Variants in ZNF532 observed in about 807,000 individuals in gnomAD.
ZNF532 encodes zinc finger protein 532.
Under a neutral mutation model 89.3 loss-of-function variants are expected in ZNF532, and 22 were observed. The ratio of observed to expected loss-of-function variants is 0.25; its 90% CI spans 0.18 to 0.35. The LOEUF is 0.35. ZNF532 is among the 10% of genes least tolerant of loss of function. ZNF532 has a pLI of 1.00. For synonymous variants in ZNF532, 606 were observed against 649.6 expected (o/e 0.93, Z 1.02); for missense variants, 1,132 against 1,643.4 (o/e 0.69, Z 5.38).
At chr18:58,913,646 G>A (rs77156849) in intron 2 of ZNF532, among the ~76,000 whole-genome samples, 92 of 151,798 alleles carry the variant, frequency 6.1e-4, no homozygotes, top group African/African-American at 1.8e-3. Context: ...AAAATTCAGC[G>A]GAATAAAAAA....
At chr18:58,961,295 C>T (rs577430621) in intron 7 of ZNF532, among the ~76,000 whole-genome samples, 2 of 152,316 alleles carry the variant, frequency 1.3e-5, no homozygotes, top group South Asian at 4.1e-4. Flanking sequence ...AGTGGCAGTA[C>T]AATCCCCCAA....
In ZNF532 at chr18:58,984,494, T is replaced by C. The variant is rs375961859; in HGVS notation, c.*28T>C. The C allele has an allele frequency of 4.0e-5, 63 of 1,590,224 alleles. No homozygotes were observed. The highest frequency in any genetic ancestry group is 6.8e-5 in the African/African-American group (5 of 73,790). On this transcript the variant is annotated 3_prime_UTR_variant, in exon 10 of 10. Coordinates refer to ENST00000591808, the MANE Select transcript of ZNF532 (RefSeq NM_001375912.1). Reference sequence around the variant, plus strand: ...ACAGATGCTCCATGAGGAAAATCCCTGTCCACATTGGAATAAAAAAGACAT... The same window carrying C: ...ACAGATGCTCCATGAGGAAAATCCCCGTCCACATTGGAATAAAAAAGACAT...
Position 58,888,811 on chromosome 18 carries a change from AAAATTATATATATAAATTATATATATAAT to A in ZNF532, c.-18+23233_-18+23261del, listed in dbSNP as rs1568247161. On this transcript the variant is annotated intron_variant, in intron 2 of 9. Coordinates refer to ENST00000591808, the MANE Select transcript of ZNF532 (RefSeq NM_001375912.1). ...AAATATATATAATTTATATATATAA[AAAATTATATATATAAATTATATATATAAT>A]TTATATATATATAATTTATATATAT... Among the ~76,000 whole-genome samples, 6 of 42,742 alleles carry A rather than the reference AAAATTATATATATAAATTATATATATAAT, an allele frequency of 1.4e-4. No individual in the cohort carries two copies. In the East Asian group the frequency reaches 5.9e-3, roughly 42 times the overall value. 28.0% of individuals were successfully genotyped at this position (42,742 alleles called of 152,430 possible).
chr18:58,873,925 T>A (rs2057210812), intron 2 of ZNF532, among the ~76,000 whole-genome samples: 1 of 152,208 alleles, frequency 6.6e-6, no homozygotes, highest in Admixed American at 6.5e-5. Context: ...TGCGGGACCT[T>A]GAACAGGTTA....
chr18:58,865,750 G>T (rs888990945), intron 2 of ZNF532, among the ~76,000 whole-genome samples, 171 bp downstream of exon 2: 7 of 152,196 alleles, frequency 4.6e-5, no homozygotes, highest in African/African-American at 1.7e-4. Flanking sequence ...TGATGGTATT[G>T]CGATCAAGGC....
At chr18:58,867,676 T>C (rs1457569128) in intron 2 of ZNF532, among the ~76,000 whole-genome samples, 2 of 152,218 alleles carry the variant, frequency 1.3e-5, no homozygotes, top group Non-Finnish European at 2.9e-5. Flanking sequence ...AAAGACGACC[T>C]GCGGTCCATC....
In ZNF532 at chr18:58,934,452, A is replaced by G; in HGVS notation, c.2366A>G (p.Gln789Arg). 1.2e-6 allele frequency: 2 copies of G among 1,613,944 alleles called. No homozygotes were observed. The highest frequency in any genetic ancestry group is 1.7e-6 in the Non-Finnish European group (2 of 1,179,832). Residue 789 changes from glutamine (Q) to arginine (R), a missense_variant, in exon 4 of 10, where the codon CAG (glutamine) becomes CGG (arginine). By Grantham distance (43) the Gln-to-Arg change is conservative (BLOSUM62 1). This residue lies in a region of ZNF532 where 100 missense variants were observed against 122.0 expected (regional missense o/e 0.82). Transcript: ENST00000591808. ...GTTTAGAAGACTTGCACTATCTGCC[A>G]GATGCTGCTTCCTAACCAGTGCAGT... Reference protein sequence around the residue: ...TSGQKTCTICQMLLPNQCSYA... With the variant: ...TSGQKTCTICRMLLPNQCSYA...
intron 2 of ZNF532, among the ~76,000 whole-genome samples, chr18:58,894,764 A>C (rs144418103): frequency 6.6e-6 from 1 of 152,020 alleles, no homozygotes; most frequent in African/African-American, 2.4e-5. Context: ...TACCCTGTCA[A>C]TTTTTCTAGA....
intron 6 of ZNF532, among the ~76,000 whole-genome samples, chr18:58,951,646 G>GTTTTTTTT (rs3039758): frequency 2.8e-5 from 2 of 72,590 alleles, no homozygotes; most frequent in Admixed American, 1.9e-4. Flanking sequence ...TCGCCCTGTT[G>GTTTTTTTT]TTTTTTTTTT....
At chr18:58,888,725 A>G (rs1329940074) in intron 2 of ZNF532, among the ~76,000 whole-genome samples, 2 of 29,936 alleles carry the variant, frequency 6.7e-5, no homozygotes, top group African/African-American at 2.3e-4. Context: ...ATATATATAT[A>G]AATTATATAT....
chr18:58,919,337 T>C lies in ZNF532; in HGVS notation c.1050T>C (p.Ser350=), dbSNP rs746956828. 5 of 1,614,030 alleles carry C rather than the reference T, an allele frequency of 3.1e-6. No homozygotes were observed. Among genetic ancestry groups the C allele is most frequent in the African/African-American group, 1.3e-5 (1 of 74,904 alleles). ...ACAGCAGCAAAGGATCCCCGTCCTCTCCCGCAGGGTCCACACCAGCAATCC... is the reference window on the plus strand; with the variant it reads ...ACAGCAGCAAAGGATCCCCGTCCTCCCCCGCAGGGTCCACACCAGCAATCC... ...SENSSKGSPS[S]PAGSTPAIPK... is the part of the protein sequence containing the mutation. Residue 350 remains serine, a synonymous_variant, in exon 3 of 10, where the codon TCT becomes TCC. Coordinates refer to ENST00000591808, the MANE Select transcript of ZNF532 (RefSeq NM_001375912.1). The surrounding 1 kb of genome is among the most constrained non-coding windows in gnomAD (Gnocchi z 6.1).
At chr18:58,951,038 C>G (rs1425130606) in intron 6 of ZNF532, among the ~76,000 whole-genome samples, 1 of 152,132 alleles carries the variant, frequency 6.6e-6, no homozygotes, top group Admixed American at 6.5e-5. Flanking sequence ...TCAAGGCAGC[C>G]TCCATGTCCT....
At chr18:58,952,948 C>T (rs757847671) in intron 6 of ZNF532, among the ~76,000 whole-genome samples, 3 of 152,108 alleles carry the variant, frequency 2.0e-5, no homozygotes, top group East Asian at 1.9e-4. Context: ...AAGGATGGGT[C>T]GGGATAGGAT....
intron 7 of ZNF532, among the ~76,000 whole-genome samples, chr18:58,973,547 T>G (rs1222568365): frequency 2.0e-5 from 3 of 152,348 alleles, no homozygotes; most frequent in Non-Finnish European, 4.4e-5. Context: ...GGTGGCAGTT[T>G]CTCTCCATTG....
intron 2 of ZNF532, among the ~76,000 whole-genome samples, chr18:58,872,151 T>G (rs986773818): frequency 3.3e-5 from 5 of 152,154 alleles, no homozygotes; most frequent in Non-Finnish European, 2.9e-5. Context: ...ACATATTCCT[T>G]ATGAAGGATC....
chr18:58,893,445 T>C (rs2145433820), intron 2 of ZNF532, among the ~76,000 whole-genome samples: 1 of 152,036 alleles, frequency 6.6e-6, no homozygotes, highest in South Asian at 2.1e-4. Context: ...GATGGGTGGA[T>C]CGCTTGCCCA....
chr18:58,923,010 C>G (rs2061241561), intron 3 of ZNF532, among the ~76,000 whole-genome samples: 1 of 152,134 alleles, frequency 6.6e-6, no homozygotes, highest in Non-Finnish European at 1.5e-5. Flanking sequence ...TGTGTGGTTG[C>G]TTTGGCATCA....
At position 58,919,893 on chromosome 18, in the gene ZNF532, G is replaced by T. The variant is rs1225030357; in HGVS notation, c.1606G>T (p.Ala536Ser). The T allele has an allele frequency of 6.2e-7, 1 of 1,613,968 alleles. No individual in the cohort carries two copies. The highest frequency in any genetic ancestry group is 1.7e-5 in the Admixed American group (1 of 60,018). Residue 536 changes from alanine (A) to serine (S), a missense_variant, in exon 3 of 10, where the codon GCC (alanine) becomes TCC (serine). Coordinates refer to ENST00000591808, the MANE Select transcript of ZNF532 (RefSeq NM_001375912.1). The surrounding 1 kb of genome is among the most constrained non-coding windows in gnomAD (Gnocchi z 6.1). Reference sequence around the variant, plus strand: ...TAACCTTTTGCCTCAGGGTGCCCAGGCCACCTCTGAACTCCGCCAAGTGCT... The same window carrying T: ...TAACCTTTTGCCTCAGGGTGCCCAGTCCACCTCTGAACTCCGCCAAGTGCT... ...NLNLLPQGAQ[A>S]TSELRQVLTK...
At chr18:58,874,169 T>C (rs556448005) in intron 2 of ZNF532, among the ~76,000 whole-genome samples, 5 of 152,098 alleles carry the variant, frequency 3.3e-5, no homozygotes, top group Non-Finnish European at 5.9e-5. Flanking sequence ...TTTTTGACCA[T>C]GAAAACAGAC....
Sources: allele counts gnomAD v4.1 joint callset (sites outside exome capture counted in the v4.1 genomes callset), GRCh38; gene constraint gnomAD v4.1.1; regional missense constraint gnomAD v4.1.1; non-coding constraint Gnocchi (gnomAD v3.1); transcripts MANE v1.5; gene names NCBI Gene and HGNC (gene_info 2026-07-23, HGNC 2026-07-21).